RPL5: variants seen among roughly 807,000 people sequenced by gnomAD.
RPL5 encodes the protein ribosomal protein L5, also known as large ribosomal subunit protein uL18.
Under a neutral mutation model 38.4 loss-of-function variants are expected in RPL5, and 1 was observed. The ratio of observed to expected loss-of-function variants is 0.03; its 90% CI spans 0.01 to 0.12. RPL5 has a LOEUF of 0.12. Among genes scored for constraint, RPL5 ranks in the 10% least tolerant of loss-of-function variants. RPL5 has a pLI of 1.00. For synonymous variants in RPL5, 109 were observed against 121.2 expected (o/e 0.90, Z 0.66); for missense variants, 243 against 374.1 (o/e 0.65, Z 2.89).
At chr1:92,839,912 C>T (rs982859979) in intron 6 of RPL5, among the ~76,000 whole-genome samples, 2 of 151,498 alleles carry the variant, frequency 1.3e-5, no homozygotes, top group African/African-American at 4.9e-5. Context: ...ACAATTATAG[C>T]TCATTGCAAC....
At chr1:92,832,138 C>A in intron 1 of RPL5, 21 bp downstream of exon 1, 1 of 1,613,980 alleles carries the variant, frequency 6.2e-7, no homozygotes, top group Non-Finnish European at 8.5e-7. Context: ...GCCTCGGTCT[C>A]GGGGCTTTAG....
intron 6 of RPL5, among the ~76,000 whole-genome samples, chr1:92,838,295 T>G (rs929059045): frequency 1.3e-5 from 2 of 152,110 alleles, no homozygotes; most frequent in African/African-American, 4.8e-5. Context: ...GGAAAAGGAG[T>G]AGTTTTTTAT....
chr1:92,834,429 T>G lies in RPL5; in HGVS notation c.190-350T>G, dbSNP rs547601639. On this transcript the variant is annotated intron_variant, in intron 3 of 7. Coordinates refer to ENST00000370321, the MANE Select transcript of RPL5 (RefSeq NM_000969.5). ...TAGGAGAAATTCTGAGAGTTAAGAT[T>G]TATTGATATTTTGCAGCAGGTAGGC... Among the ~76,000 whole-genome samples, 4 of 152,260 alleles carry G rather than the reference T, an allele frequency of 2.6e-5. No individual in the cohort carries two copies. In the East Asian group the frequency reaches 7.7e-4, roughly 29 times the overall value.
Position 92,841,904 on chromosome 1 carries a change from TA to T in RPL5, c.*42del. On this transcript the variant is annotated 3_prime_UTR_variant, in exon 8 of 8. Coordinates refer to ENST00000370321, the MANE Select transcript of RPL5 (RefSeq NM_000969.5). ...CTATGATTTTTTCAGATATAGATAA[TA>T]AACTTATGAACAGCAACTATTTCTG... is the stretch of plus-strand genomic sequence containing the variant. 6.8e-7 allele frequency: 1 copy of T among 1,464,250 alleles called. No individual in the cohort carries two copies. Among genetic ancestry groups the T allele is most frequent in the Non-Finnish European group, 9.5e-7 (1 of 1,047,746 alleles). The allele number at this position is 1,464,250 out of a possible 1,614,324, so 90.7% of individuals were successfully genotyped here.
At chr1:92,833,002 C>T in intron 1 of RPL5, 1 of 738,486 alleles carries the variant, frequency 1.4e-6, no homozygotes, top group Non-Finnish European at 2.5e-6. Context: ...AGCAGTGCTT[C>T]GCAAAAGTTT....
intron 3 of RPL5, 153 bp downstream of exon 3, chr1:92,833,813 C>A: frequency 1.5e-6 from 1 of 647,960 alleles, no homozygotes; most frequent in Non-Finnish European, 2.7e-6. Context: ...AGAATTGGAA[C>A]CTGGGAACTT....
At chr1:92,832,809 G>T in intron 1 of RPL5, 1 of 578,992 alleles carries the variant, frequency 1.7e-6, no homozygotes, top group Non-Finnish European at 3.1e-6. Context: ...CTGTTTTAGT[G>T]GGGGAATTAC....
chr1:92,834,633 A>T, intron 3 of RPL5, 146 bp from the exon 4 acceptor site: 1 of 1,031,710 alleles, frequency 9.7e-7, no homozygotes, highest in Non-Finnish European at 1.5e-6. Flanking sequence ...CCTCTAATTT[A>T]CTGGTAACCC....
intron 5 of RPL5, chr1:92,836,713 C>G (rs1687145915): frequency 3.6e-6 from 1 of 276,144 alleles, no homozygotes; most frequent in Non-Finnish European, 7.0e-6. Context: ...CATGCACTTT[C>G]TTTTTTCAAT....
At chr1:92,832,922 CT>C (rs1235660775) in intron 1 of RPL5, 8 of 678,624 alleles carry the variant, frequency 1.2e-5, no homozygotes, top group Non-Finnish European at 2.1e-5. Context: ...TTATTTGAGG[CT>C]AGGTTTTCGA....
intron 5 of RPL5, chr1:92,836,649 C>T: frequency 2.1e-6 from 1 of 484,574 alleles, no homozygotes; most frequent in East Asian, 4.1e-5. Flanking sequence ...AAACCACTAC[C>T]TTTTGCATAT....
chr1:92,840,248 T>TTC (rs1379808015), intron 6 of RPL5: 22 of 351,822 alleles, frequency 6.3e-5, no homozygotes, highest in African/African-American at 4.7e-4. Flanking sequence ...TGGGCTGAAG[T>TTC]GATCCTCCCA....
In RPL5 at chr1:92,836,304, G is replaced by A; in HGVS notation, c.439G>A (p.Asp147Asn). The A allele has an allele frequency of 6.2e-7, 1 of 1,614,166 alleles. No individual in the cohort carries two copies. The highest frequency in any genetic ancestry group is 8.5e-7 in the Non-Finnish European group (1 of 1,180,034). Residue 147 changes from aspartate to asparagine, a missense_variant, in exon 5 of 8, where the codon GAT becomes AAT. By Grantham distance (23) the Asp-to-Asn change is conservative. Transcript: ENST00000370321. ...GCCAGGTGCCTTCACCTGCTATTTG[G>A]ATGCAGGCCTTGCCAGAACTACCAC... Reference protein sequence around the residue: ...GQPGAFTCYLDAGLARTTTGN... With the variant: ...GQPGAFTCYLNAGLARTTTGN...
intron 3 of RPL5, chr1:92,834,096 C>T (rs907463738): frequency 1.7e-4 from 43 of 248,124 alleles, no homozygotes; most frequent in African/African-American, 9.6e-4. Flanking sequence ...ACACTGAAAC[C>T]TAGTTTATGT....
intron 4 of RPL5, 32 bp from the exon 5 acceptor site, chr1:92,836,158 G>T: frequency 6.3e-7 from 1 of 1,587,034 alleles, no homozygotes. Flanking sequence ...TTGAATAATT[G>T]AAACCAGCAT....
At chr1:92,833,127 G>A (rs944013709) in intron 1 of RPL5, 2 of 674,622 alleles carry the variant, frequency 3.0e-6, no homozygotes, top group Non-Finnish European at 2.7e-6. Context: ...AATAAATTGG[G>A]GCCTGCATTT....
At chr1:92,833,113 AT>A (rs1686974870) in intron 1 of RPL5, 1 of 690,838 alleles carries the variant, frequency 1.4e-6, no homozygotes, top group South Asian at 1.5e-5. Context: ...TACCTGTTAA[AT>A]GTAATAAATT....
At chr1:92,835,045 T>C (rs982319915) in intron 4 of RPL5, 132 bp downstream of exon 4, 34 of 1,281,314 alleles carry the variant, frequency 2.7e-5, no homozygotes, top group Non-Finnish European at 3.7e-5. Context: ...GTTTTCTGCT[T>C]TGTTAATGGA....
chr1:92,832,898 G>A (rs1686965017), intron 1 of RPL5: 1 of 653,364 alleles, frequency 1.5e-6, no homozygotes, highest in African/African-American at 1.8e-5. Context: ...GGAAGCGAGA[G>A]AGGTACGTAG....
Sources: gnomAD v4.1 joint callset for allele counts (sites outside exome capture counted in the v4.1 genomes callset) on GRCh38, gnomAD v4.1.1 for gene constraint, MANE v1.5 for transcripts, NCBI Gene and HGNC (gene_info 2026-07-23, HGNC 2026-07-21) for gene names.